The following MBNL2 variants were observed in gnomAD, a reference collection of about 807,000 sequenced individuals.
MBNL2 encodes muscleblind like splicing regulator 2.
MBNL2 carries 17 observed loss-of-function variants against 41.9 expected under a neutral mutation model. The observed-to-expected ratio is 0.41, with a 90% CI of 0.28 to 0.61. The LOEUF is 0.61. Among genes scored for constraint, MBNL2 ranks in the 20% least tolerant of loss-of-function variants. The pLI is 0.35. For missense variants in MBNL2, 336 were observed against 505.6 expected (o/e 0.66, Z 3.22); for synonymous variants, 195 against 182.9 (o/e 1.07, Z -0.53).
intron 1 of MBNL2, among the ~76,000 whole-genome samples, chr13:97,232,279 G>T (rs557766155): frequency 6.6e-6 from 1 of 152,154 alleles, no homozygotes. Context: ...AGAACCAGGA[G>T]TCAAGCTAAA....
At chr13:97,367,135 C>A (rs569003589) in intron 8 of MBNL2, among the ~76,000 whole-genome samples, 6 of 152,200 alleles carry the variant, frequency 3.9e-5, no homozygotes, top group South Asian at 2.1e-4. Flanking sequence ...TCATGGGTGC[C>A]GCTGAACTCA....
At chr13:97,310,128 C>A in intron 2 of MBNL2, among the ~76,000 whole-genome samples, 1 of 152,186 alleles carries the variant, frequency 6.6e-6, no homozygotes, top group East Asian at 1.9e-4. Flanking sequence ...TAACCAGCTT[C>A]TCATGCTGCC....
At position 97,382,736 on chromosome 13, in the gene MBNL2, G is replaced by A. The variant is rs1170547088; in HGVS notation, c.1049-8586G>A. 7.4e-5 allele frequency among the ~76,000 whole-genome samples: 11 copies of A among 149,220 alleles called. No individual in the cohort carries two copies. In the East Asian group the frequency reaches 9.8e-4, roughly 13 times the overall value. Reference sequence around the variant, plus strand: ...GTCACCGAGGCTGGAGTGCAGTGGCGCCATCTTGGCTCACCACAACCTCCA... The same window carrying A: ...GTCACCGAGGCTGGAGTGCAGTGGCACCATCTTGGCTCACCACAACCTCCA... On this transcript the variant is annotated intron_variant, in intron 8 of 8. Coordinates refer to ENST00000679496, the MANE Select transcript of MBNL2 (RefSeq NM_001382683.1).
At chr13:97,147,516 T>A in the MBNL2 span, among the ~76,000 whole-genome samples, 1 of 152,226 alleles carries the variant, frequency 6.6e-6, no homozygotes, top group Admixed American at 6.5e-5. Context: ...ATGCTCATAT[T>A]TACCTGATTC....
chr13:97,150,110 C>G, the MBNL2 span, among the ~76,000 whole-genome samples: 1 of 152,186 alleles, frequency 6.6e-6, no homozygotes, highest in South Asian at 2.1e-4. Flanking sequence ...TTCCAATCCA[C>G]AGTAATCAGC....
the MBNL2 span, among the ~76,000 whole-genome samples, chr13:97,209,273 G>A: frequency 6.6e-6 from 1 of 152,136 alleles, no homozygotes; most frequent in Non-Finnish European, 1.5e-5. Flanking sequence ...GTCAAAACAT[G>A]TTAATAGAGT....
At chr13:97,357,962 T>C (rs2063119178) in intron 7 of MBNL2, among the ~76,000 whole-genome samples, 1 of 152,186 alleles carries the variant, frequency 6.6e-6, no homozygotes, top group Non-Finnish European at 1.5e-5. Context: ...CAATTGAAAT[T>C]TGTCCTTAAC....
chr13:97,232,888 T>TGTGCGC (rs2042590511), intron 1 of MBNL2, among the ~76,000 whole-genome samples: 2 of 146,302 alleles, frequency 1.4e-5, no homozygotes, highest in South Asian at 2.2e-4. Flanking sequence ...TGTGTGTGTG[T>TGTGCGC]GTGCGCACGT....
At chr13:97,166,170 A>C in the MBNL2 span, among the ~76,000 whole-genome samples, 2 of 152,366 alleles carry the variant, frequency 1.3e-5, no homozygotes, top group South Asian at 4.1e-4. Flanking sequence ...TATTAGGGGC[A>C]GACATGGACT....
At chr13:97,188,937 A>G in the MBNL2 span, among the ~76,000 whole-genome samples, 4 of 152,106 alleles carry the variant, frequency 2.6e-5, no homozygotes. Flanking sequence ...ACACAGACTC[A>G]TCTGTCCCTC....
At chr13:97,167,744 T>C in the MBNL2 span, among the ~76,000 whole-genome samples, 1 of 152,084 alleles carries the variant, frequency 6.6e-6, no homozygotes, top group African/African-American at 2.4e-5. Flanking sequence ...TCTTTCAGAG[T>C]CTTTTGTGCC....
At chr13:97,317,311 C>T (rs2059141850) in intron 2 of MBNL2, among the ~76,000 whole-genome samples, 1 of 152,116 alleles carries the variant, frequency 6.6e-6, no homozygotes, top group Admixed American at 6.5e-5. Flanking sequence ...ATAAAATGAA[C>T]AAAATATCAA....
intron 8 of MBNL2, among the ~76,000 whole-genome samples, chr13:97,390,289 A>G (rs2066293407): frequency 6.6e-6 from 1 of 151,858 alleles, no homozygotes; most frequent in Non-Finnish European, 1.5e-5. Context: ...CTTAAAGGGA[A>G]AAAATATCCA....
intron 8 of MBNL2, among the ~76,000 whole-genome samples, chr13:97,388,395 T>C (rs140693250): frequency 6.6e-6 from 1 of 151,916 alleles, no homozygotes; most frequent in East Asian, 1.9e-4. Context: ...AAAATGTATC[T>C]ATTCATCAAA....
chr13:97,200,035 C>A, the MBNL2 span, among the ~76,000 whole-genome samples: 36 of 152,192 alleles, frequency 2.4e-4, no homozygotes, highest in Admixed American at 2.4e-3. Flanking sequence ...AGAGCAAGAG[C>A]AAATAGGAGT....
chr13:97,198,465 G>T, the MBNL2 span, among the ~76,000 whole-genome samples: 888 of 149,990 alleles, frequency 5.9e-3, 6 homozygotes, highest in African/African-American at 0.021. Flanking sequence ...CCCAAGATCT[G>T]CAGGGTATAT....
At chr13:97,312,392 G>A (rs1723854812) in intron 2 of MBNL2, among the ~76,000 whole-genome samples, 1 of 152,032 alleles carries the variant, frequency 6.6e-6, no homozygotes, top group African/African-American at 2.4e-5. Flanking sequence ...CTTATTTCAT[G>A]TTTTTGCACT....
chr13:97,346,958 A>G lies in MBNL2; in HGVS notation c.695A>G (p.Lys232Arg). The G allele has an allele frequency of 6.2e-7, 1 of 1,614,024 alleles. No individual in the cohort carries two copies. Among genetic ancestry groups the G allele is most frequent in the Non-Finnish European group, 8.5e-7 (1 of 1,179,894 alleles). Residue 232 changes from lysine (K) to arginine (R), a missense_variant, in exon 5 of 9, where the codon AAA becomes AGA. Coordinates refer to ENST00000679496, the MANE Select transcript of MBNL2 (RefSeq NM_001382683.1). This position sits in a 1 kb window ranked among gnomAD's most constrained non-coding sequence, Gnocchi z 4.2. ...GGGCGTTGCATGAGGGAGAAATGCA[A>G]ATATTTTCACCCTCCTGCACACTTG... The part of the protein sequence containing the change: ...IKGRCMREKC[K>R]YFHPPAHLQA...
chr13:97,382,750 C>G (rs1228958287), intron 8 of MBNL2, among the ~76,000 whole-genome samples: 1 of 151,352 alleles, frequency 6.6e-6, no homozygotes, highest in East Asian at 1.9e-4. Context: ...TCTTGGCTCA[C>G]CACAACCTCC....
Sources: gnomAD v4.1 joint callset for allele counts (sites outside exome capture counted in the v4.1 genomes callset) on GRCh38, gnomAD v4.1.1 for gene constraint, Gnocchi (gnomAD v3.1) non-coding constraint, MANE v1.5 for transcripts, NCBI Gene and HGNC (gene_info 2026-07-23, HGNC 2026-07-21) for gene names.